NTRK3: variants seen among roughly 807,000 people sequenced by gnomAD.
The protein encoded by NTRK3 is neurotrophic receptor tyrosine kinase 3.
In NTRK3, 24 loss-of-function variants were observed where a neutral mutation model predicts 91.7. The observed-to-expected ratio is 0.26, with a 90% confidence interval of 0.19 to 0.37. The LOEUF (loss-of-function observed/expected upper bound fraction) is 0.37, where lower values mean the gene tolerates loss of function less well. Ranked by LOEUF, NTRK3 falls within the 10% of genes least tolerant of loss-of-function variation. The pLI is 1.00. For missense variants in NTRK3, 880 were observed against 1,068.9 expected (o/e 0.82, Z 2.46); for synonymous variants, 483 against 404.0 (o/e 1.20, Z -2.34).
intron 14 of NTRK3, among the ~76,000 whole-genome samples, chr15:87,960,522 T>A (rs926607500): frequency 4.6e-5 from 7 of 151,838 alleles, no homozygotes; most frequent in Non-Finnish European, 1.0e-4. Context: ...TTTCGCTCTC[T>A]CACCCAGGCT....
At chr15:87,886,676 C>CTATAGATATATATA (rs2065555684) in intron 17 of NTRK3, among the ~76,000 whole-genome samples, 2 of 101,204 alleles carry the variant, frequency 2.0e-5, no homozygotes, top group Non-Finnish European at 3.9e-5. Context: ...CCACTTTTTG[C>CTATAGATATATATA]TATATATATA....
intron 3 of NTRK3, among the ~76,000 whole-genome samples, chr15:88,201,623 A>T (rs974395270): frequency 6.6e-6 from 1 of 152,082 alleles, no homozygotes; most frequent in African/African-American, 2.4e-5. Context: ...CTCCCAATTC[A>T]CGCCATCTGG....
intron 3 of NTRK3, among the ~76,000 whole-genome samples, chr15:88,213,068 CT>C (rs2049402043): frequency 6.6e-6 from 1 of 152,222 alleles, no homozygotes; most frequent in Non-Finnish European, 1.5e-5. Context: ...TAAAAATGTG[CT>C]TCTTTCTATG....
rs1438436314 is a variant in NTRK3, at chr15:88,243,847, T to G, written c.248+12059A>C. ...CAGTTGCCCATGTGGTTTCTCCAGT[T>G]GTGACTTCGTACTGTGGGCCCCAGC... On this transcript the variant is annotated intron_variant, in intron 3 of 18. Coordinates refer to ENST00000394480, the Ensembl canonical transcript of NTRK3. The surrounding 1 kb of genome is among the most constrained non-coding windows in gnomAD (Gnocchi z 4.8). Among the ~76,000 whole-genome samples the G allele has an allele frequency of 6.6e-6, 1 of 152,172 alleles. No homozygotes were observed. The highest frequency in any genetic ancestry group is 2.4e-5 in the African/African-American group (1 of 41,432).
At position 88,233,786 on chromosome 15, in the gene NTRK3, C is replaced by T. The variant is rs1387188101; in HGVS notation, c.248+22120G>A. 6.6e-6 allele frequency among the ~76,000 whole-genome samples: 1 copy of T among 150,624 alleles called. No individual in the cohort carries two copies. The highest frequency in any genetic ancestry group is 1.5e-5 in the Non-Finnish European group (1 of 67,988). ...ACCTTGCTCCTCCTCCCCTGACATC[C>T]AGTGCTCCCCCTCCCTGCCTTGTCC... On this transcript the variant is annotated intron_variant, in intron 3 of 18. Coordinates refer to ENST00000394480, the Ensembl canonical transcript of NTRK3. This position sits in a 1 kb window ranked among gnomAD's most constrained non-coding sequence, Gnocchi z 4.2.
intron 14 of NTRK3, among the ~76,000 whole-genome samples, chr15:87,987,080 T>C (rs951986478): frequency 2.0e-5 from 3 of 152,244 alleles, no homozygotes; most frequent in Non-Finnish European, 2.9e-5. Flanking sequence ...TGGGTAAAAA[T>C]GAAGATGCTC....
intron 17 of NTRK3, among the ~76,000 whole-genome samples, chr15:87,889,525 C>T (rs756989951): frequency 2.0e-5 from 3 of 151,476 alleles, no homozygotes; most frequent in Non-Finnish European, 4.4e-5. Context: ...CTCCTTCTGC[C>T]TCCTGAGTTG....
chr15:88,186,779 G>T (rs1443241109), intron 3 of NTRK3, among the ~76,000 whole-genome samples: 5 of 152,204 alleles, frequency 3.3e-5, no homozygotes, highest in Non-Finnish European at 5.9e-5. Flanking sequence ...TGCTACAGAG[G>T]CCATATGGCC....
At chr15:87,860,970 C>T in exon 19 of NTRK3, 1 of 224,380 alleles carries the variant, frequency 4.5e-6, no homozygotes, top group Non-Finnish European at 8.9e-6. Flanking sequence ...CATTGTTAAA[C>T]TTTCCTTAAT....
chr15:88,121,276 C>T (rs768364782), intron 13 of NTRK3, among the ~76,000 whole-genome samples: 11 of 152,074 alleles, frequency 7.2e-5, no homozygotes, highest in East Asian at 1.9e-4. Flanking sequence ...GTTCTAATGA[C>T]GACGTGAAAT....
chr15:87,926,919 C>G (rs1360773027), intron 17 of NTRK3: 1 of 152,176 alleles, frequency 6.6e-6, no homozygotes, highest in East Asian at 1.9e-4. Flanking sequence ...ACCAGCAAAC[C>G]CCATTAAACA....
exon 19 of NTRK3, chr15:87,869,595 T>C (rs2064772299): frequency 1.4e-5 from 3 of 210,444 alleles, no homozygotes; most frequent in Non-Finnish European, 2.9e-5. Flanking sequence ...AAGACTTTCG[T>C]GGAGTTTGAG....
chr15:88,216,125 C>T (rs1239604583), intron 3 of NTRK3, among the ~76,000 whole-genome samples: 1 of 152,170 alleles, frequency 6.6e-6, no homozygotes, highest in African/African-American at 2.4e-5. Context: ...AGTGCCCCCA[C>T]TCAATAGTGC....
At chr15:88,125,303 A>G (rs372410859) in intron 13 of NTRK3, among the ~76,000 whole-genome samples, 1 of 152,208 alleles carries the variant, frequency 6.6e-6, no homozygotes, top group African/African-American at 2.4e-5. Context: ...AATGCCATTC[A>G]TGTACTCTTC....
chr15:87,890,267 C>T (rs1399104031), intron 17 of NTRK3, among the ~76,000 whole-genome samples: 1 of 152,106 alleles, frequency 6.6e-6, no homozygotes, highest in Non-Finnish European at 1.5e-5. Context: ...TTTCACCTAG[C>T]AATTTTAGCA....
Position 87,938,900 on chromosome 15 carries a change from C to T in NTRK3, c.1716+1723G>A, listed in dbSNP as rs78936317. ...CAGGCACACTGAGCAAGTTTATTTACAGGATGTACAGCAATAATAATCATT... is the reference window on the plus strand; with the variant it reads ...CAGGCACACTGAGCAAGTTTATTTATAGGATGTACAGCAATAATAATCATT... On this transcript the variant is annotated intron_variant, in intron 15 of 18. Transcript: ENST00000394480. 2.1e-3 allele frequency among the ~76,000 whole-genome samples: 325 copies of T among 152,294 alleles called. 2 individuals are homozygous for T. The highest frequency in any genetic ancestry group is 7.5e-3 in the African/African-American group (311 of 41,566).
rs570430579 is a variant in NTRK3 at position 88,085,118 on chromosome 15, G to A, written c.1396+41153C>T. ...ACAGAAACAGCCTGGGTGCAGCCAA[G>A]CAACCATGGTTAATAAAATCCCTGA... On this transcript the variant is annotated intron_variant, in intron 13 of 18. Transcript: ENST00000394480. Among the ~76,000 whole-genome samples, 3 of 152,342 alleles carry A rather than the reference G, an allele frequency of 2.0e-5. No homozygotes were observed. In the South Asian group the frequency reaches 6.2e-4, roughly 32 times the overall value.
intron 17 of NTRK3, among the ~76,000 whole-genome samples, chr15:87,891,237 G>A (rs1266933674): frequency 6.6e-6 from 1 of 152,132 alleles, no homozygotes; most frequent in Non-Finnish European, 1.5e-5. Context: ...CCTACTAGGG[G>A]CATGTAGAAA....
intron 13 of NTRK3, among the ~76,000 whole-genome samples, chr15:88,109,192 G>A (rs11073761): frequency 1.3e-5 from 2 of 152,188 alleles, no homozygotes; most frequent in East Asian, 3.9e-4. Context: ...GCGAGGGCCC[G>A]GTGAGCCGCA....
Sources: allele counts gnomAD v4.1 joint callset (sites outside exome capture counted in the v4.1 genomes callset), GRCh38; gene constraint gnomAD v4.1.1; non-coding constraint Gnocchi (gnomAD v3.1); transcripts MANE v1.5; gene names NCBI Gene and HGNC (gene_info 2026-07-23, HGNC 2026-07-21).